MAGI2: variants seen among roughly 807,000 people sequenced by gnomAD.
MAGI2 encodes the protein membrane-associated guanylate kinase, WW and PDZ domain-containing protein 2.
In MAGI2, 35 loss-of-function variants were observed where a neutral mutation model predicts 133.3. The observed-to-expected ratio is 0.26, with a 90% CI of 0.20 to 0.35. The LOEUF is 0.35. MAGI2 is among the 10% of genes least tolerant of loss of function. MAGI2 has a pLI of 1.00. For synonymous variants in MAGI2, 729 were observed against 710.6 expected, an observed-to-expected ratio of 1.03 and a Z score of -0.41; for missense variants, 1,636 against 1,863.4, an observed-to-expected ratio of 0.88 and a Z score of 2.25.
At chr7:79,150,997 GTTTT>G (rs924022758) in intron 1 of MAGI2, among the ~76,000 whole-genome samples, 60 of 151,984 alleles carry the variant, frequency 3.9e-4, no homozygotes, top group African/African-American at 1.4e-3. Flanking sequence ...TTGTTTGTTT[GTTTT>G]GTTTTGTTTT....
intron 2 of MAGI2, among the ~76,000 whole-genome samples, chr7:78,741,257 G>C (rs1252767883): frequency 6.6e-6 from 1 of 151,876 alleles, no homozygotes; most frequent in African/African-American, 2.4e-5. Context: ...TTAAATACTA[G>C]AAAGAACGTA....
At position 78,871,267 on chromosome 7, in the gene MAGI2, C is replaced by T. The variant is rs540836185; in HGVS notation, c.418+135823G>A. Among the ~76,000 whole-genome samples the T allele has an allele frequency of 1.9e-4, 29 of 152,132 alleles. No homozygotes were observed. The Middle Eastern group carries it at 0.017, about 89-fold the overall frequency. ...CGAAGCTTGCCGTGAGCCAAGATCG[C>T]GCCACTGCACTCAGCCTGGGGGACA... On this transcript the variant is annotated intron_variant, in intron 2 of 21. Coordinates refer to ENST00000354212, the MANE Select transcript of MAGI2 (RefSeq NM_012301.4).
At position 78,017,473 on chromosome 7, in the gene MAGI2, C is replaced by T. The variant is rs1807889843; in HGVS notation, c.*1842G>A. On this transcript the variant is annotated 3_prime_UTR_variant, in exon 22 of 22. Coordinates refer to ENST00000354212, the MANE Select transcript of MAGI2 (RefSeq NM_012301.4). ...GATACAGTACCAGGACGTGCAGCTACACTACAGAAGCATTGTCCAAAACCA... is the reference window on the plus strand; with the variant it reads ...GATACAGTACCAGGACGTGCAGCTATACTACAGAAGCATTGTCCAAAACCA... 1 of 152,440 alleles carries T rather than the reference C, an allele frequency of 6.6e-6. No individual in the cohort carries two copies. Among genetic ancestry groups the T allele is most frequent in the South Asian group, 2.1e-4 (1 of 4,826 alleles). 9.4% of individuals were successfully genotyped at this position (152,440 alleles called of 1,614,324 possible).
intron 2 of MAGI2, among the ~76,000 whole-genome samples, chr7:78,658,531 G>T (rs1010905863): frequency 3.9e-5 from 6 of 152,022 alleles, no homozygotes; most frequent in African/African-American, 1.5e-4. Context: ...AGCACGAAAA[G>T]ACAAAATACG....
intron 1 of MAGI2, among the ~76,000 whole-genome samples, chr7:79,058,933 G>A (rs1463978703): frequency 1.3e-5 from 2 of 151,954 alleles, no homozygotes; most frequent in Admixed American, 6.6e-5. Flanking sequence ...ACTTTTCAGG[G>A]TTGTTGAGAA....
At chr7:79,099,604 G>A (rs1355889552) in intron 1 of MAGI2, among the ~76,000 whole-genome samples, 1 of 152,112 alleles carries the variant, frequency 6.6e-6, no homozygotes, top group Non-Finnish European at 1.5e-5. Flanking sequence ...CCAATGGGTA[G>A]TTTTTTCTTC....
At chr7:78,819,475 C>G (rs1467885063) in intron 2 of MAGI2, among the ~76,000 whole-genome samples, 1 of 152,064 alleles carries the variant, frequency 6.6e-6, no homozygotes, top group Non-Finnish European at 1.5e-5. Flanking sequence ...CCCCATTTCT[C>G]TCATGTATTT....
intron 2 of MAGI2, among the ~76,000 whole-genome samples, chr7:78,840,606 C>G (rs1324351171): frequency 6.6e-6 from 1 of 151,872 alleles, no homozygotes; most frequent in Non-Finnish European, 1.5e-5. Flanking sequence ...AGTTGAGGAG[C>G]AAATAGTGAG....
chr7:79,138,284 C>CTACT (rs1165245640), intron 1 of MAGI2, among the ~76,000 whole-genome samples: 1 of 152,078 alleles, frequency 6.6e-6, no homozygotes, highest in African/African-American at 2.4e-5. Flanking sequence ...TGGATGGAAC[C>CTACT]TACAGCTGCC....
At chr7:78,729,056 T>C (rs1034849017) in intron 2 of MAGI2, among the ~76,000 whole-genome samples, 1 of 152,172 alleles carries the variant, frequency 6.6e-6, no homozygotes, top group Non-Finnish European at 1.5e-5. Context: ...CCACTTGTAA[T>C]GGTATTAGGC....
chr7:79,134,821 A>G (rs1327809567), intron 1 of MAGI2, among the ~76,000 whole-genome samples: 1 of 152,258 alleles, frequency 6.6e-6, no homozygotes, highest in East Asian at 1.9e-4. Context: ...TGCTAACAGC[A>G]TAAAATAATT....
chr7:78,489,054 T>C (rs888470547), intron 6 of MAGI2, among the ~76,000 whole-genome samples: 1 of 152,054 alleles, frequency 6.6e-6, no homozygotes, highest in Non-Finnish European at 1.5e-5. Flanking sequence ...TTAGCTAAAC[T>C]GTAAGTGCTC....
At chr7:78,613,821 T>C (rs577427434) in intron 3 of MAGI2, among the ~76,000 whole-genome samples, 65 of 152,138 alleles carry the variant, frequency 4.3e-4, no homozygotes, top group Non-Finnish European at 8.7e-4. Flanking sequence ...GACGAATATA[T>C]ACAGAGGCCT....
intron 2 of MAGI2, chr7:78,904,131 CA>C (rs1357215481): frequency 6.6e-6 from 1 of 152,152 alleles, no homozygotes; most frequent in Admixed American, 6.6e-5. Context: ...AGTTCTCAGA[CA>C]ATGACATAAT....
chr7:78,682,284 T>A (rs950349012), intron 2 of MAGI2, among the ~76,000 whole-genome samples: 1 of 152,136 alleles, frequency 6.6e-6, no homozygotes, highest in African/African-American at 2.4e-5. Context: ...GCAGATTTGT[T>A]ACATAGGTAT....
chr7:78,835,486 T>C (rs1380972464), intron 2 of MAGI2, among the ~76,000 whole-genome samples: 2 of 152,188 alleles, frequency 1.3e-5, no homozygotes, highest in African/African-American at 4.8e-5. Context: ...AAAATATTAT[T>C]CTCCCATAGT....
At chr7:78,295,077 T>C (rs925394282) in intron 9 of MAGI2, among the ~76,000 whole-genome samples, 1 of 152,186 alleles carries the variant, frequency 6.6e-6, no homozygotes, top group African/African-American at 2.4e-5. Flanking sequence ...CTTGTCTTTG[T>C]ACCTATCCCC....
intron 2 of MAGI2, among the ~76,000 whole-genome samples, chr7:78,993,227 G>A (rs972151140): frequency 2.6e-5 from 4 of 151,918 alleles, no homozygotes; most frequent in African/African-American, 9.7e-5. Flanking sequence ...GTATAATTAG[G>A]AGCCAGAGTA....
chr7:78,847,335 T>C (rs1792711132), intron 2 of MAGI2, among the ~76,000 whole-genome samples: 1 of 151,932 alleles, frequency 6.6e-6, no homozygotes, highest in South Asian at 2.1e-4. Context: ...AAATGATCAC[T>C]CCATAAACTA....
Sources: allele counts gnomAD v4.1 joint callset (sites outside exome capture counted in the v4.1 genomes callset), GRCh38; gene constraint gnomAD v4.1.1; transcripts MANE v1.5; gene names NCBI Gene and HGNC (gene_info 2026-07-23, HGNC 2026-07-21).